Variants in AGGF1 observed in about 807,000 individuals in gnomAD.
AGGF1 encodes angiogenic factor with G-patch and FHA domains 1, also known as angiogenic factor with G patch and FHA domains 1.
In AGGF1, 56 loss-of-function variants were observed where a neutral mutation model predicts 86.5. The observed-to-expected ratio is 0.65, with a 90% CI of 0.52 to 0.81. AGGF1 has a LOEUF of 0.81. Among genes scored for constraint, AGGF1 ranks in the 30% least tolerant of loss-of-function variants. AGGF1 has a pLI of 0.00. For synonymous variants in AGGF1, 313 were observed against 297.1 expected (o/e 1.05, Z -0.55); for missense variants, 816 against 850.9 (o/e 0.96, Z 0.51).
chr5:77,063,577 A>C lies in AGGF1; in HGVS notation c.*325A>C, dbSNP rs1747607296. Reference sequence around the variant, plus strand: ...AAATTCATAGAACTACTAATGACTTAAGTGTACATCTGTTCTTGTCTCCAT... The same window carrying C: ...AAATTCATAGAACTACTAATGACTTCAGTGTACATCTGTTCTTGTCTCCAT... On this transcript the variant is annotated 3_prime_UTR_variant, in exon 14 of 14. Transcript: ENST00000312916. 1 of 322,372 alleles carries C rather than the reference A, an allele frequency of 3.1e-6. No homozygotes were observed. The highest frequency in any genetic ancestry group is 7.9e-5 in the East Asian group (1 of 12,730). 20.0% of individuals were successfully genotyped at this position (322,372 alleles called of 1,614,324 possible). A position where few individuals can be genotyped will look rare whatever the true frequency, so the allele number is the denominator to read the frequency against.
At position 77,036,537 on chromosome 5, in the gene AGGF1, A is replaced by C; in HGVS notation, c.517-19A>C. 1 of 1,613,846 alleles carries C rather than the reference A, an allele frequency of 6.2e-7. No individual in the cohort carries two copies. The highest frequency in any genetic ancestry group is 1.1e-5 in the South Asian group (1 of 91,054). ...TACAGAAGCTTTTGTCTTATTTGGC[A>C]TGACTATATCTTTTATAGGAGCCAG... On this transcript the variant is annotated intron_variant, in intron 3 of 13. Transcript: ENST00000312916.
chr5:77,040,329 C>T (rs928286440), intron 5 of AGGF1, among the ~76,000 whole-genome samples: 29 of 151,418 alleles, frequency 1.9e-4, no homozygotes, highest in Non-Finnish European at 3.8e-4. Context: ...AGGCTCGTCT[C>T]GAACTCCTGA....
Position 77,030,663 on chromosome 5 carries a change from GC to G in AGGF1, c.-102del. 1 of 1,321,928 alleles carries G rather than the reference GC, an allele frequency of 7.6e-7. No homozygotes were observed. Among genetic ancestry groups the G allele is most frequent in the Non-Finnish European group, 1.0e-6 (1 of 957,210 alleles). The allele number at this position is 1,321,928 out of a possible 1,614,324, so 81.9% of individuals were successfully genotyped here. On this transcript the variant is annotated 5_prime_UTR_variant, in exon 1 of 14. An upstream open reading frame in the 5' UTR loses its in-frame stop. Coordinates refer to ENST00000312916, the MANE Select transcript of AGGF1 (RefSeq NM_018046.5). The stretch of plus-strand genomic sequence containing the variant: ...ACCGCGGCCAGCCGGGTGTGAGGCT[GC>G]CTTTCGCTGCCCGCGCGCTCCAGTG...
chr5:77,042,210 C>A (rs1747103781), intron 5 of AGGF1, among the ~76,000 whole-genome samples: 1 of 151,902 alleles, frequency 6.6e-6, no homozygotes, highest in Non-Finnish European at 1.5e-5. Flanking sequence ...ATGTCTACTT[C>A]TTTCTACACA....
intron 5 of AGGF1, among the ~76,000 whole-genome samples, chr5:77,041,091 T>G (rs1355706146): frequency 6.7e-6 from 1 of 148,300 alleles, no homozygotes; most frequent in Non-Finnish European, 1.5e-5. Flanking sequence ...ACATAAGGAA[T>G]TAGGATTCTG....
At chr5:77,031,231 C>T (rs1445935365) in intron 1 of AGGF1, among the ~76,000 whole-genome samples, 1 of 152,220 alleles carries the variant, frequency 6.6e-6, no homozygotes. Context: ...TGTCTTCATT[C>T]TCACTTGACC....
chr5:77,030,750 G>A lies in AGGF1; in HGVS notation c.-17G>A, dbSNP rs1449554752. The stretch of plus-strand genomic sequence containing the variant: ...CGCAGCCCCTCCGCGGCGACGAGCA[G>A]TCTCGCGCCGGAGCTCATGGCCTCG... On this transcript the variant is annotated 5_prime_UTR_variant, in exon 1 of 14. Transcript: ENST00000312916. The A allele has an allele frequency of 6.4e-7, 1 of 1,557,932 alleles. No individual in the cohort carries two copies. The highest frequency in any genetic ancestry group is 8.6e-7 in the Non-Finnish European group (1 of 1,158,698).
intron 5 of AGGF1, among the ~76,000 whole-genome samples, chr5:77,042,105 G>C (rs1257217691): frequency 6.6e-6 from 1 of 151,788 alleles, no homozygotes; most frequent in African/African-American, 2.4e-5. Context: ...CACAGCACAT[G>C]TTTCAGAGAG....
chr5:77,061,149 C>T (rs1031432933), intron 12 of AGGF1, among the ~76,000 whole-genome samples: 1 of 152,102 alleles, frequency 6.6e-6, no homozygotes, highest in Non-Finnish European at 1.5e-5. Context: ...TAACATATTG[C>T]AGAATACACA....
At chr5:77,034,650 C>T (rs1282274568) in intron 2 of AGGF1, 130 bp downstream of exon 2, 6 of 702,738 alleles carry the variant, frequency 8.5e-6, no homozygotes, top group Non-Finnish European at 1.3e-5. Context: ...GACGTCTCTC[C>T]ATATGATAAT....
In AGGF1 at chr5:77,047,645, C is replaced by G. The variant is rs141204804; in HGVS notation, c.1202-516C>G. On this transcript the variant is annotated intron_variant, in intron 6 of 13. Transcript: ENST00000312916. The stretch of plus-strand genomic sequence containing the variant: ...TCTCTTGCCTCAGCCTCCCAAGTTG[C>G]TGGGACTACAGGCGCATGTCACCAC... Among the ~76,000 whole-genome samples the G allele has an allele frequency of 8.1e-3, 1,236 of 152,170 alleles. 19 individuals carry two copies. Among genetic ancestry groups the G allele is most frequent in the African/African-American group, 0.028 (1,182 of 41,504 alleles).
At chr5:77,051,511 C>T (rs1747373600) in intron 8 of AGGF1, among the ~76,000 whole-genome samples, 1 of 151,918 alleles carries the variant, frequency 6.6e-6, no homozygotes, top group African/African-American at 2.4e-5. Flanking sequence ...TTTCACACCT[C>T]TTAGGCTAGC....
chr5:77,043,303 C>G (rs1221718094), intron 5 of AGGF1, among the ~76,000 whole-genome samples: 14 of 19,300 alleles, frequency 7.3e-4, no homozygotes, highest in South Asian at 3.7e-3. Context: ...GCTGGCCGGG[C>G]GGAGGGCTGA....
chr5:77,054,559 GT>G (rs1318982505), intron 10 of AGGF1, among the ~76,000 whole-genome samples: 2 of 152,148 alleles, frequency 1.3e-5, no homozygotes, highest in African/African-American at 4.8e-5. Flanking sequence ...TTGAAAATTG[GT>G]AAGAGAGTAG....
At chr5:77,040,387 G>A (rs1389933328) in intron 5 of AGGF1, among the ~76,000 whole-genome samples, 1 of 150,174 alleles carries the variant, frequency 6.7e-6, no homozygotes, top group Non-Finnish European at 1.5e-5. Flanking sequence ...TGAGATTACA[G>A]GCATGAGCCA....
chr5:77,030,663 G>T lies in AGGF1; in HGVS notation c.-104G>T. Reference sequence around the variant, plus strand: ...ACCGCGGCCAGCCGGGTGTGAGGCTGCCTTTCGCTGCCCGCGCGCTCCAGT... The same window carrying T: ...ACCGCGGCCAGCCGGGTGTGAGGCTTCCTTTCGCTGCCCGCGCGCTCCAGT... On this transcript the variant is annotated 5_prime_UTR_variant, in exon 1 of 14. Transcript: ENST00000312916. The T allele has an allele frequency of 1.5e-6, 2 of 1,321,928 alleles. No individual in the cohort carries two copies. The highest frequency in any genetic ancestry group is 1.3e-5 in the South Asian group (1 of 77,758). The allele number at this position is 1,321,928 out of a possible 1,614,324, so 81.9% of individuals were successfully genotyped here.
In AGGF1 at chr5:77,041,222, ATC is replaced by A. The variant is rs557083392; in HGVS notation, c.870+1507_870+1508del. Among the ~76,000 whole-genome samples the A allele has an allele frequency of 1.2e-4, 18 of 152,240 alleles. No homozygotes were observed. The South Asian group carries it at 3.1e-3, about 26-fold the overall frequency. ...AATCAGTTTTCTGTTTGCTTTCAAG[ATC>A]TCTGTTTTAATGGCTTGTGCTTGTT... On this transcript the variant is annotated intron_variant, in intron 5 of 13. Transcript: ENST00000312916.
At position 77,064,760 on chromosome 5, in the gene AGGF1, T is replaced by C. The variant is rs1742757943; in HGVS notation, c.*1508T>C. Reference sequence around the variant, plus strand: ...AGTATTAGTCTAAATGTGGTTCTGGTGCTGGTGCCCTGTATATATGTAACA... The same window carrying C: ...AGTATTAGTCTAAATGTGGTTCTGGCGCTGGTGCCCTGTATATATGTAACA... On this transcript the variant is annotated 3_prime_UTR_variant, in exon 14 of 14. Coordinates refer to ENST00000312916, the MANE Select transcript of AGGF1 (RefSeq NM_018046.5). 1 of 152,260 alleles carries C rather than the reference T, an allele frequency of 6.6e-6. No individual in the cohort carries two copies. The highest frequency in any genetic ancestry group is 1.5e-5 in the Non-Finnish European group (1 of 68,060). 9.4% of individuals were successfully genotyped at this position (152,260 alleles called of 1,614,324 possible). A position where few individuals can be genotyped will look rare whatever the true frequency, so the allele number is the denominator to read the frequency against.
chr5:77,042,635 T>C (rs1244417569), intron 5 of AGGF1, among the ~76,000 whole-genome samples: 6 of 32,250 alleles, frequency 1.9e-4, no homozygotes, highest in East Asian at 1.2e-3. Flanking sequence ...GGCGGGGGGC[T>C]GACCCCCCCA....
Sources: allele counts gnomAD v4.1 joint callset (sites outside exome capture counted in the v4.1 genomes callset), GRCh38; gene constraint gnomAD v4.1.1; transcripts MANE v1.5; gene names NCBI Gene and HGNC (gene_info 2026-07-23, HGNC 2026-07-21).